CDKAL1: variants seen among roughly 807,000 people sequenced by gnomAD.
CDKAL1 encodes the protein threonylcarbamoyladenosine tRNA methylthiotransferase.
Under a neutral mutation model 68.2 loss-of-function variants are expected in CDKAL1, and 32 were observed. The ratio of observed to expected loss-of-function variants is 0.47; its 90% CI spans 0.35 to 0.63. The LOEUF (loss-of-function observed/expected upper bound fraction) is 0.63, where lower values mean the gene tolerates loss of function less well. CDKAL1 is among the 30% of genes least tolerant of loss of function. The pLI is 0.00. For synonymous variants in CDKAL1, 234 were observed against 244.3 expected (o/e 0.96, Z 0.39); for missense variants, 606 against 696.7 (o/e 0.87, Z 1.47).
chr6:20,678,895 C>A (rs76759879), intron 5 of CDKAL1, among the ~76,000 whole-genome samples: 10 of 151,802 alleles, frequency 6.6e-5, no homozygotes, highest in African/African-American at 2.4e-4. Flanking sequence ...AGTTTCATTG[C>A]CTATGTTTTT....
chr6:21,211,375 G>C (rs917761904), intron 15 of CDKAL1, among the ~76,000 whole-genome samples: 5 of 152,186 alleles, frequency 3.3e-5, no homozygotes, highest in Non-Finnish European at 7.4e-5. Flanking sequence ...AGACAGGTTA[G>C]GCTGCGCTTC....
chr6:20,722,463 G>T, intron 5 of CDKAL1: 1 of 306,320 alleles, frequency 3.3e-6, no homozygotes, highest in South Asian at 3.6e-5. Context: ...TCTTCTTTTT[G>T]GCAGTAGCCT....
intron 9 of CDKAL1, 29 bp from the exon 10 acceptor site, chr6:20,955,390 A>C: frequency 6.2e-7 from 1 of 1,611,914 alleles, no homozygotes; most frequent in Non-Finnish European, 8.5e-7. Flanking sequence ...TCTGCCACAG[A>C]TTTGTTAATT....
intron 4 of CDKAL1, among the ~76,000 whole-genome samples, chr6:20,559,934 A>G (rs947896423): frequency 6.6e-6 from 1 of 152,180 alleles, no homozygotes; most frequent in Non-Finnish European, 1.5e-5. Flanking sequence ...GCAGATGATA[A>G]ATTACCATGA....
At chr6:20,708,051 TTAAC>T in intron 5 of CDKAL1, among the ~76,000 whole-genome samples, 1 of 152,308 alleles carries the variant, frequency 6.6e-6, no homozygotes, top group South Asian at 2.1e-4. Context: ...CTAAAATAAT[TTAAC>T]TGTGTGCTAG....
At chr6:20,915,989 TAGAG>T (rs1230489197) in intron 9 of CDKAL1, among the ~76,000 whole-genome samples, 5 of 151,892 alleles carry the variant, frequency 3.3e-5, no homozygotes, top group African/African-American at 1.2e-4. Flanking sequence ...GACAAAACTA[TAGAG>T]ATAGAGAAAA....
chr6:20,622,950 C>A (rs1316062702), intron 4 of CDKAL1, among the ~76,000 whole-genome samples: 1 of 151,932 alleles, frequency 6.6e-6, no homozygotes, highest in Admixed American at 6.6e-5. Flanking sequence ...TTGTCTCAAA[C>A]AAAAGGGAAA....
chr6:21,090,614 G>A (rs1772952144), intron 12 of CDKAL1, among the ~76,000 whole-genome samples: 1 of 152,110 alleles, frequency 6.6e-6, no homozygotes, highest in African/African-American at 2.4e-5. Context: ...ATATATGAAA[G>A]TATACATAAA....
chr6:20,585,937 C>T (rs751721258), intron 4 of CDKAL1, among the ~76,000 whole-genome samples: 1 of 152,006 alleles, frequency 6.6e-6, no homozygotes, highest in Non-Finnish European at 1.5e-5. Flanking sequence ...GTCTATTTAC[C>T]ATGTCCAAAA....
At chr6:21,148,917 T>C (rs1444380148) in intron 13 of CDKAL1, among the ~76,000 whole-genome samples, 1 of 152,174 alleles carries the variant, frequency 6.6e-6, no homozygotes, top group East Asian at 1.9e-4. Flanking sequence ...GAAGACTGAA[T>C]TTTTAGTTAA....
chr6:21,123,864 G>A (rs913249089), intron 13 of CDKAL1, among the ~76,000 whole-genome samples: 8 of 152,194 alleles, frequency 5.3e-5, no homozygotes, highest in Non-Finnish European at 1.2e-4. Context: ...GTCTGCACTA[G>A]GGCTTAGAAC....
intron 10 of CDKAL1, among the ~76,000 whole-genome samples, chr6:20,987,436 G>T (rs1766527106): frequency 6.6e-6 from 1 of 151,962 alleles, no homozygotes; most frequent in African/African-American, 2.4e-5. Context: ...TGTATTTTTA[G>T]TAAAGACGGG....
chr6:21,095,957 TG>T (rs1773292960), intron 12 of CDKAL1, among the ~76,000 whole-genome samples: 1 of 152,190 alleles, frequency 6.6e-6, no homozygotes, highest in Non-Finnish European at 1.5e-5. Flanking sequence ...CTCTTATTAT[TG>T]GTATGATGGG....
At chr6:20,699,524 T>C (rs1213567851) in intron 5 of CDKAL1, among the ~76,000 whole-genome samples, 2 of 152,014 alleles carry the variant, frequency 1.3e-5, no homozygotes, top group African/African-American at 4.8e-5. Flanking sequence ...TCCTGTTGAG[T>C]AGGTTTTGAA....
At chr6:21,168,019 G>A (rs1477209031) in intron 13 of CDKAL1, among the ~76,000 whole-genome samples, 1 of 152,204 alleles carries the variant, frequency 6.6e-6, no homozygotes, top group East Asian at 1.9e-4. Context: ...CAGTAAACCT[G>A]AGGAATGGTT....
At chr6:20,690,845 A>C (rs74720183) in intron 5 of CDKAL1, among the ~76,000 whole-genome samples, 2 of 152,192 alleles carry the variant, frequency 1.3e-5, no homozygotes, top group African/African-American at 4.8e-5. Context: ...TACAGATGTC[A>C]TGTGAGTTCA....
In CDKAL1 at chr6:20,621,042, AT is replaced by A. The variant is rs923435223; in HGVS notation, c.287-28243del. ...TTGCTGTGACAGTTTCTCAGACTTT[AT>A]TTTTTTTCCCCTAAAGCCTTTCCAC... On this transcript the variant is annotated intron_variant, in intron 4 of 15. Coordinates refer to ENST00000274695, the MANE Select transcript of CDKAL1 (RefSeq NM_017774.3). Among the ~76,000 whole-genome samples the A allele has an allele frequency of 4.6e-5, 7 of 151,682 alleles. No homozygotes were observed. In the East Asian group the frequency reaches 5.8e-4, roughly 13 times the overall value.
At chr6:21,207,336 A>G (rs1778980239) in intron 15 of CDKAL1, among the ~76,000 whole-genome samples, 1 of 152,028 alleles carries the variant, frequency 6.6e-6, no homozygotes. Context: ...AGAACAGCCT[A>G]GCACCATTGG....
chr6:21,159,243 A>T (rs1339441769), intron 13 of CDKAL1, among the ~76,000 whole-genome samples: 1 of 152,104 alleles, frequency 6.6e-6, no homozygotes, highest in Admixed American at 6.6e-5. Context: ...ACTTATTCAG[A>T]TAAGAAAAAA....
Sources: gnomAD v4.1 joint callset for allele counts (sites outside exome capture counted in the v4.1 genomes callset) on GRCh38, gnomAD v4.1.1 for gene constraint, MANE v1.5 for transcripts, NCBI Gene and HGNC (gene_info 2026-07-23, HGNC 2026-07-21) for gene names.